The following DHX57 variants were observed in gnomAD, a reference collection of about 807,000 sequenced individuals.
The protein encoded by DHX57 is DExH-box helicase 57.
Under a neutral mutation model 156.2 loss-of-function variants are expected in DHX57, and 105 were observed. That is an observed-to-expected ratio of 0.67 (90% confidence interval 0.57 to 0.79). The LOEUF is 0.79. Ranked by LOEUF, DHX57 falls within the 30% of genes least tolerant of loss-of-function variation. The probability of loss-of-function intolerance (pLI) is 0.00; values close to 1 mark genes in which losing one functional copy is unlikely to be tolerated. For synonymous variants in DHX57, 704 were observed against 595.6 expected, an observed-to-expected ratio of 1.18 and a Z score of -2.65; for missense variants, 1,847 against 1,661.9, an observed-to-expected ratio of 1.11 and a Z score of -1.94.
chr2:38,820,109 T>A (rs890095185), intron 17 of DHX57, among the ~76,000 whole-genome samples: 1 of 152,218 alleles, frequency 6.6e-6, no homozygotes, highest in African/African-American at 2.4e-5. Context: ...CCAACCATAG[T>A]GCTTCTCTCT....
chr2:38,848,170 C>A, intron 10 of DHX57, 99 bp downstream of exon 10: 1 of 1,217,192 alleles, frequency 8.2e-7, no homozygotes, highest in Non-Finnish European at 1.1e-6. Context: ...TGAATCGCTT[C>A]TCTAGAAAGA....
At chr2:38,837,005 G>A (rs1008267583) in intron 13 of DHX57, among the ~76,000 whole-genome samples, 1 of 151,952 alleles carries the variant, frequency 6.6e-6, no homozygotes, top group Non-Finnish European at 1.5e-5. Context: ...GTGCCACCAC[G>A]CCTGACTAAT....
chr2:38,798,465 A>G, intron 23 of DHX57, 23 bp from the exon 24 acceptor site: 1 of 1,599,390 alleles, frequency 6.3e-7, no homozygotes, highest in African/African-American at 1.3e-5. Flanking sequence ...CTACAATATA[A>G]GCAGTGCTTG....
In DHX57 at chr2:38,798,115, C is replaced by G. The variant is rs896051614; in HGVS notation, c.*184G>C. On this transcript the variant is annotated 3_prime_UTR_variant, in exon 24 of 24. Transcript: ENST00000457308. ...ACACTCCAAATTGTGCTGGGAGTGGCCAAGGCTTTGTTAGAAATGGCCCTA... is the reference window on the plus strand; with the variant it reads ...ACACTCCAAATTGTGCTGGGAGTGGGCAAGGCTTTGTTAGAAATGGCCCTA... 1.6e-6 allele frequency: 1 copy of G among 635,432 alleles called. No individual in the cohort carries two copies. Among genetic ancestry groups the G allele is most frequent in the Non-Finnish European group, 2.5e-6 (1 of 401,346 alleles). The allele number at this position is 635,432 out of a possible 1,614,324, so 39.4% of individuals were successfully genotyped here. A position where few individuals can be genotyped will look rare whatever the true frequency, so the allele number is the denominator to read the frequency against.
intron 1 of DHX57, among the ~76,000 whole-genome samples, chr2:38,870,155 T>C (rs1032758887): frequency 6.6e-6 from 1 of 152,100 alleles, no homozygotes; most frequent in South Asian, 2.1e-4. Context: ...ACATTGATTA[T>C]GCAAGCTGAA....
chr2:38,814,730 T>G (rs1243181680), intron 20 of DHX57, among the ~76,000 whole-genome samples: 3 of 151,206 alleles, frequency 2.0e-5, no homozygotes, highest in Admixed American at 6.6e-5. Context: ...AAAACCCTGT[T>G]TTTTTTTTTG....
chr2:38,832,582 G>A (rs1572657438), intron 13 of DHX57, among the ~76,000 whole-genome samples: 1 of 148,432 alleles, frequency 6.7e-6, no homozygotes, highest in Admixed American at 6.8e-5. Flanking sequence ...GTCTTGCTCT[G>A]TTACCCAGGT....
chr2:38,856,250 C>A, intron 7 of DHX57, 90 bp downstream of exon 7: 2 of 1,505,496 alleles, frequency 1.3e-6, no homozygotes, highest in Non-Finnish European at 1.8e-6. Context: ...AATCCAGCTA[C>A]AGTTTTTAAC....
chr2:38,815,479 T>G (rs1440717136), intron 20 of DHX57, 42 bp downstream of exon 20: 1 of 1,612,436 alleles, frequency 6.2e-7, no homozygotes, highest in South Asian at 1.1e-5. Flanking sequence ...TGTATTTAGG[T>G]GCTAATTAAA....
intron 6 of DHX57, among the ~76,000 whole-genome samples, chr2:38,858,045 C>A (rs1672992592): frequency 6.6e-6 from 1 of 152,024 alleles, no homozygotes; most frequent in African/African-American, 2.4e-5. Flanking sequence ...CTCTAAACCA[C>A]AGTATTTGTT....
At chr2:38,857,981 C>A (rs1273401239) in intron 6 of DHX57, among the ~76,000 whole-genome samples, 1 of 152,242 alleles carries the variant, frequency 6.6e-6, no homozygotes, top group East Asian at 1.9e-4. Flanking sequence ...GATCCTCCTG[C>A]CTCAGCCTTC....
intron 3 of DHX57, 71 bp downstream of exon 3, chr2:38,863,290 G>A: frequency 6.7e-7 from 1 of 1,484,714 alleles, no homozygotes. Flanking sequence ...GCATTCCAAA[G>A]ATGCACAGGA....
chr2:38,848,649 G>C (rs1672417417), intron 9 of DHX57, among the ~76,000 whole-genome samples: 1 of 152,160 alleles, frequency 6.6e-6, no homozygotes, highest in Non-Finnish European at 1.5e-5. Flanking sequence ...TTTTAGAATA[G>C]TTGCATATAC....
chr2:38,812,419 G>A (rs997306130), intron 21 of DHX57, among the ~76,000 whole-genome samples: 2 of 152,196 alleles, frequency 1.3e-5, no homozygotes, highest in African/African-American at 4.8e-5. Context: ...AACTCTCTGG[G>A]GGAAAATGGT....
chr2:38,807,487 A>T (rs1035221374), intron 21 of DHX57, among the ~76,000 whole-genome samples: 14 of 151,348 alleles, frequency 9.3e-5, no homozygotes, highest in Non-Finnish European at 1.9e-4. Context: ...CCTCCCTAGT[A>T]GCTGGGACTA....
intron 21 of DHX57, chr2:38,811,717 C>T: frequency 1.4e-6 from 1 of 691,334 alleles, no homozygotes; most frequent in South Asian, 1.6e-5. Context: ...CTCAGTGAAC[C>T]ACTCGGGGCC....
At chr2:38,841,276 G>A (rs1031258489) in intron 12 of DHX57, among the ~76,000 whole-genome samples, 3 of 152,178 alleles carry the variant, frequency 2.0e-5, no homozygotes, top group South Asian at 2.1e-4. Context: ...ATCCTTGTGG[G>A]TTTGTATTAT....
intron 13 of DHX57, among the ~76,000 whole-genome samples, chr2:38,829,360 C>A (rs1336345686): frequency 2.6e-5 from 4 of 151,280 alleles, no homozygotes; most frequent in African/African-American, 9.7e-5. Flanking sequence ...CAGCTCACTG[C>A]AACCTCCACC....
intron 1 of DHX57, among the ~76,000 whole-genome samples, chr2:38,874,768 G>A (rs1186077804): frequency 1.3e-5 from 2 of 152,078 alleles, no homozygotes; most frequent in African/African-American, 2.4e-5. Flanking sequence ...AAGTGGAGCC[G>A]GGTAGTTCAT....
Sources: allele counts gnomAD v4.1 joint callset (sites outside exome capture counted in the v4.1 genomes callset), GRCh38; gene constraint gnomAD v4.1.1; transcripts MANE v1.5; gene names NCBI Gene and HGNC (gene_info 2026-07-23, HGNC 2026-07-21).